The following RASGRF2 variants were observed in gnomAD, a reference collection of about 807,000 sequenced individuals.
The protein encoded by RASGRF2 is Ras protein specific guanine nucleotide releasing factor 2, also known as ras-specific guanine nucleotide-releasing factor 2.
A neutral mutation model predicts 151.0 loss-of-function variants in RASGRF2; 76 were observed. That is an observed-to-expected ratio of 0.50 (90% CI 0.42 to 0.61). RASGRF2 has a LOEUF of 0.61. RASGRF2 is among the 20% of genes least tolerant of loss of function. The pLI is 0.00. For synonymous variants in RASGRF2, 504 were observed against 566.5 expected, an observed-to-expected ratio of 0.89 and a Z score of 1.57; for missense variants, 1,148 against 1,564.6, an observed-to-expected ratio of 0.73 and a Z score of 4.49.
chr5:81,182,350 G>T (rs1348632740), intron 18 of RASGRF2, among the ~76,000 whole-genome samples: 3 of 152,164 alleles, frequency 2.0e-5, no homozygotes, highest in African/African-American at 7.2e-5. Context: ...GTGGGCCTCA[G>T]GGCTCTATGG....
chr5:81,195,119 G>A (rs1161029278), intron 18 of RASGRF2, among the ~76,000 whole-genome samples: 1 of 152,220 alleles, frequency 6.6e-6, no homozygotes, highest in Non-Finnish European at 1.5e-5. Flanking sequence ...CCTGGCGCAT[G>A]AGGCTTCGTG....
At chr5:81,194,733 C>A (rs1188500782) in intron 18 of RASGRF2, among the ~76,000 whole-genome samples, 4 of 152,136 alleles carry the variant, frequency 2.6e-5, no homozygotes, top group Non-Finnish European at 5.9e-5. Flanking sequence ...GTCAGTAGGG[C>A]GTCCCCAAGG....
At chr5:81,159,863 G>A (rs539266872) in intron 17 of RASGRF2, among the ~76,000 whole-genome samples, 2 of 152,084 alleles carry the variant, frequency 1.3e-5, no homozygotes, top group African/African-American at 2.4e-5. Flanking sequence ...CCATGCTAAC[G>A]GCAGTGCCTA....
intron 19 of RASGRF2, among the ~76,000 whole-genome samples, chr5:81,204,659 A>G (rs1755466878): frequency 6.6e-6 from 1 of 152,198 alleles, no homozygotes; most frequent in African/African-American, 2.4e-5. Context: ...AAATCTATTC[A>G]GTGTAGAGTT....
intron 1 of RASGRF2, among the ~76,000 whole-genome samples, chr5:81,025,505 A>C (rs1335138368): frequency 6.6e-6 from 1 of 152,180 alleles, no homozygotes. Flanking sequence ...CTCCGTGAAG[A>C]AATTTATGAT....
At chr5:81,185,423 G>A (rs377354258) in intron 18 of RASGRF2, among the ~76,000 whole-genome samples, 4 of 152,306 alleles carry the variant, frequency 2.6e-5, no homozygotes, top group African/African-American at 4.8e-5. Context: ...CCAAGAGGAC[G>A]GCCTGGAGGG....
intron 17 of RASGRF2, among the ~76,000 whole-genome samples, chr5:81,172,667 A>G (rs763242556): frequency 2.6e-5 from 4 of 152,152 alleles, no homozygotes; most frequent in Admixed American, 6.5e-5. Context: ...GCCCCTTCAC[A>G]TTCTGGCCAT....
chr5:81,029,424 G>A (rs1465902508), intron 1 of RASGRF2, among the ~76,000 whole-genome samples: 2 of 152,178 alleles, frequency 1.3e-5, no homozygotes, highest in Non-Finnish European at 2.9e-5. Flanking sequence ...CACCTCATAT[G>A]GCCGGGTGCC....
intron 17 of RASGRF2, among the ~76,000 whole-genome samples, chr5:81,166,572 T>G (rs568639767): frequency 6.6e-6 from 1 of 152,154 alleles, no homozygotes; most frequent in African/African-American, 2.4e-5. Context: ...AGACACAGCC[T>G]CTATTGTCAC....
intron 2 of RASGRF2, among the ~76,000 whole-genome samples, chr5:81,052,964 C>A (rs1364728424): frequency 2.6e-5 from 4 of 151,910 alleles, no homozygotes; most frequent in African/African-American, 9.7e-5. Flanking sequence ...ATTCTCTGTG[C>A]ACATATATAC....
intron 15 of RASGRF2, among the ~76,000 whole-genome samples, chr5:81,116,865 A>T (rs1175263698): frequency 6.6e-6 from 1 of 152,172 alleles, no homozygotes; most frequent in Non-Finnish European, 1.5e-5. Flanking sequence ...ATGTGATAGA[A>T]TTTCCTTTTT....
chr5:81,109,133 A>C (rs530523071), intron 13 of RASGRF2, 55 bp downstream of exon 13: 1 of 1,571,978 alleles, frequency 6.4e-7, no homozygotes, highest in African/African-American at 1.4e-5. Flanking sequence ...TTGGCGGAAC[A>C]TGTAAAACCT....
At chr5:81,108,888 CAGGG>C (rs1752919871) in intron 12 of RASGRF2, 104 bp from the exon 13 acceptor site, 11 of 1,041,850 alleles carry the variant, frequency 1.1e-5, no homozygotes, top group Non-Finnish European at 1.3e-5. Flanking sequence ...GTGTAAGAGA[CAGGG>C]AGAGAGAAAT....
In RASGRF2 at chr5:81,086,728, T is replaced by G. The variant is rs940755312; in HGVS notation, c.1272-107T>G. The G allele has an allele frequency of 7.9e-6, 7 of 887,574 alleles. No individual in the cohort carries two copies. The African/African-American group carries it at 1.0e-4, about 13-fold the overall frequency. 55.0% of individuals were successfully genotyped at this position (887,574 alleles called of 1,614,324 possible). On this transcript the variant is annotated intron_variant, in intron 8 of 26. Coordinates refer to ENST00000265080, the MANE Select transcript of RASGRF2 (RefSeq NM_006909.3). ...TATTTCCCCCAAACCCCCGGTTCAA[T>G]CGATACAAGCTTGCAACCGAGCTTC...
chr5:81,093,545 G>A (rs528479663), intron 10 of RASGRF2, among the ~76,000 whole-genome samples: 2 of 152,262 alleles, frequency 1.3e-5, no homozygotes, highest in Admixed American at 1.3e-4. Context: ...CCAAGCTGCT[G>A]GGACTACAGA....
At chr5:81,110,496 T>G (rs1437516260) in intron 13 of RASGRF2, among the ~76,000 whole-genome samples, 1 of 152,260 alleles carries the variant, frequency 6.6e-6, no homozygotes, top group Non-Finnish European at 1.5e-5. Flanking sequence ...TATTTTAATT[T>G]CATGCTGGCT....
At chr5:81,010,849 T>C (rs569723373) in intron 1 of RASGRF2, among the ~76,000 whole-genome samples, 1 of 152,338 alleles carries the variant, frequency 6.6e-6, no homozygotes, top group East Asian at 1.9e-4. Context: ...CCAGATGTGC[T>C]TCATGTTCTT....
At chr5:81,106,324 G>T (rs1752844949) in intron 12 of RASGRF2, among the ~76,000 whole-genome samples, 1 of 152,078 alleles carries the variant, frequency 6.6e-6, no homozygotes, top group East Asian at 1.9e-4. Context: ...CTTAGGGGAG[G>T]TATGAATCAT....
intron 19 of RASGRF2, 62 bp downstream of exon 19, chr5:81,201,504 A>G: frequency 6.6e-7 from 1 of 1,504,496 alleles, no homozygotes; most frequent in Non-Finnish European, 9.1e-7. Context: ...GTTCATAGAA[A>G]ATAAGAGCCA....
Sources: gnomAD v4.1 joint callset for allele counts (sites outside exome capture counted in the v4.1 genomes callset) on GRCh38, gnomAD v4.1.1 for gene constraint, MANE v1.5 for transcripts, NCBI Gene and HGNC (gene_info 2026-07-23, HGNC 2026-07-21) for gene names.